UBR4: variants seen among roughly 807,000 people sequenced by gnomAD.
UBR4 encodes the protein E3 ubiquitin-protein ligase UBR4.
Under a neutral mutation model 575.6 loss-of-function variants are expected in UBR4, and 124 were observed. The observed-to-expected ratio is 0.22, with a 90% CI of 0.19 to 0.25. The LOEUF (loss-of-function observed/expected upper bound fraction) is 0.25. UBR4 is among the 10% of genes least tolerant of loss of function. The pLI is 1.00. For missense variants in UBR4, 4,818 were observed against 6,478.8 expected, an observed-to-expected ratio of 0.74 and a Z score of 8.80; for synonymous variants, 2,455 against 2,473.7, an observed-to-expected ratio of 0.99 and a Z score of 0.22.
At chr1:19,115,281 A>G (rs2080396149) in intron 74 of UBR4, 117 bp downstream of exon 74, 11 of 1,442,894 alleles carry the variant, frequency 7.6e-6, no homozygotes, top group South Asian at 7.0e-5. Flanking sequence ...CTACAAACCC[A>G]TAATTCTCTA....
chr1:19,164,684 G>A (rs1337131509), intron 32 of UBR4, 115 bp downstream of exon 32: 1 of 1,356,520 alleles, frequency 7.4e-7, no homozygotes, highest in Non-Finnish European at 1.0e-6. Context: ...CTAGAGAGAG[G>A]TAGATACAAA....
In UBR4 at chr1:19,165,331, G is replaced by C; in HGVS notation, c.4230C>G (p.Ile1410Met). The C allele has an allele frequency of 6.2e-7, 1 of 1,614,096 alleles. No homozygotes were observed. The highest frequency in any genetic ancestry group is 1.3e-5 in the African/African-American group (1 of 75,028). Reference sequence around the variant, plus strand: ...GGTTCTCATTGGCTGTTGCCATCATGATCTGTACAAGTTCTCCACTGGGAG... The same window carrying C: ...GGTTCTCATTGGCTGTTGCCATCATCATCTGTACAAGTTCTCCACTGGGAG... ...FFSDSGELVQ[I>M]MMATANENLS... The change falls in exon 31 of 106, where the codon ATC becomes ATG. Residue 1410 changes from isoleucine (I) to methionine (M), a missense_variant. By Grantham distance (10) the Ile-to-Met change is conservative. Coordinates refer to ENST00000375254, the MANE Select transcript of UBR4 (RefSeq NM_020765.3).
chr1:19,119,627 C>A lies in UBR4; in HGVS notation c.10385G>T (p.Gly3462Val). 1 of 1,614,106 alleles carries A rather than the reference C, an allele frequency of 6.2e-7. No homozygotes were observed. The change falls in exon 70 of 106, where the codon GGT (glycine) becomes GTT (valine). Residue 3462 changes from glycine (G) to valine (V), a missense_variant. Transcript: ENST00000375254. Reference protein sequence around the residue: ...WSIWPELPAYGRKAAQFVDLL... With the variant: ...WSIWPELPAYVRKAAQFVDLL... ...GTCCACAAACTGGGCAGCCTTACGA[C>A]CATAGGCTGGGAGTTCTGGCCAGAT...
rs1033969258 is a variant in UBR4 at position 19,140,888 on chromosome 1, G to A, written c.8493C>T (p.Ser2831=). The A allele has an allele frequency of 6.2e-7, 1 of 1,607,130 alleles. No homozygotes were observed. The highest frequency in any genetic ancestry group is 1.1e-5 in the South Asian group (1 of 90,054). The part of the protein sequence containing the change: ...ALSLQQDQQG[S]SSSALGLQSL... ...TCTGCAGGCCCAGGGCACTGCTGCT[G>A]CTGCCTGGGAAACAAGTGGAGAGTG... The change falls in exon 58 of 106, where the codon AGC becomes AGT. Residue 2831 remains serine, a synonymous_variant. Transcript: ENST00000375254.
At chr1:19,148,883 C>T (rs1329759995) in intron 49 of UBR4, among the ~76,000 whole-genome samples, 1 of 152,156 alleles carries the variant, frequency 6.6e-6, no homozygotes, top group Non-Finnish European at 1.5e-5. Context: ...GCTTTTCTTC[C>T]TCAAAGAGGA....
chr1:19,187,494 T>C lies in UBR4; in HGVS notation c.1441A>G (p.Ile481Val). The change falls in exon 12 of 106, where the codon ATC (isoleucine) becomes GTC (valine). Residue 481 changes from isoleucine to valine, a missense_variant. By Grantham distance (29) the Ile-to-Val change is conservative. Transcript: ENST00000375254. The part of the protein sequence containing the change: ...VLSVILANHA[I>V]KLLTSLFQDL... ...TGAAAGAGAGACGTTAGCAGTTTGA[T>C]GGCATGGTTTGCCAATATTACTGAG... The C allele has an allele frequency of 6.2e-7, 1 of 1,613,904 alleles. No homozygotes were observed. Among genetic ancestry groups the C allele is most frequent in the East Asian group, 2.2e-5 (1 of 44,872 alleles).
At position 19,088,549 on chromosome 1, in the gene UBR4, T is replaced by C. The variant is rs1443687693; in HGVS notation, c.14430+210A>G. ...GGCTATTATCACTGGTTTACTGTTT[T>C]GGTAAACTTCGTAAGTCACTTACTC... On this transcript the variant is annotated intron_variant, in intron 98 of 105. Coordinates refer to ENST00000375254, the MANE Select transcript of UBR4 (RefSeq NM_020765.3). The surrounding 1 kb of genome is among the most constrained non-coding windows in gnomAD (Gnocchi z 4.0). Among the ~76,000 whole-genome samples, 1 of 152,222 alleles carries C rather than the reference T, an allele frequency of 6.6e-6. No individual in the cohort carries two copies. Among genetic ancestry groups the C allele is most frequent in the Non-Finnish European group, 1.5e-5 (1 of 68,034 alleles).
Position 19,086,771 on chromosome 1 carries a change from C to T in UBR4, c.14595G>A (p.Glu4865=), listed in dbSNP as rs180927500. Reference sequence around the variant, plus strand: ...GTTTCCGGGGCTTATTCTCCATCTCCTCCAAGGCTACCCGCTTCGTGAAGG... The same window carrying T: ...GTTTCCGGGGCTTATTCTCCATCTCTTCCAAGGCTACCCGCTTCGTGAAGG... ...IYTFTKRVAL[E]EMENKPRKQQ... Residue 4865 remains glutamate, a synonymous_variant, in exon 100 of 106, where the codon GAG becomes GAA. Coordinates refer to ENST00000375254, the MANE Select transcript of UBR4 (RefSeq NM_020765.3). 39 of 1,614,204 alleles carry T rather than the reference C, an allele frequency of 2.4e-5. No individual in the cohort carries two copies. The East Asian group carries it at 7.8e-4, about 32-fold the overall frequency.
chr1:19,174,666 A>G (rs2090027054), intron 21 of UBR4, among the ~76,000 whole-genome samples: 1 of 152,206 alleles, frequency 6.6e-6, no homozygotes, highest in African/African-American at 2.4e-5. Flanking sequence ...GGAGTAAGAC[A>G]ATTATTTTTG....
At chr1:19,151,584 G>A (rs1422766661) in intron 48 of UBR4, 59 bp downstream of exon 48, 5 of 1,575,594 alleles carry the variant, frequency 3.2e-6, no homozygotes, top group Admixed American at 1.7e-5. Context: ...ACAGGCCAGT[G>A]GCTCCCAATT....
chr1:19,096,777 C>T, intron 91 of UBR4, 127 bp from the exon 92 acceptor site: 1 of 1,366,244 alleles, frequency 7.3e-7, no homozygotes, highest in Non-Finnish European at 9.9e-7. Flanking sequence ...CCAATAAAGA[C>T]ACGGCCAATA....
At chr1:19,131,479 G>A (rs1043730423) in intron 60 of UBR4, among the ~76,000 whole-genome samples, 49 of 151,984 alleles carry the variant, frequency 3.2e-4, no homozygotes, top group African/African-American at 1.0e-3. Flanking sequence ...TTGTCAATAT[G>A]GCTAGGTTAC....
In UBR4 at chr1:19,120,307, G is replaced by A. The variant is rs1262447125; in HGVS notation, c.10183C>T (p.Leu3395=). 1.2e-6 allele frequency: 2 copies of A among 1,614,156 alleles called. No individual in the cohort carries two copies. The highest frequency in any genetic ancestry group is 3.3e-5 in the Admixed American group (2 of 60,032). The change falls in exon 69 of 106, where the codon CTG becomes TTG. Residue 3395 remains leucine, a synonymous_variant. Coordinates refer to ENST00000375254, the MANE Select transcript of UBR4 (RefSeq NM_020765.3). ...GSQEDQLCTA[L]VNQLNKFADK... ...GCAAATTTGTTCAGCTGGTTCACCA[G>A]AGCTGTGCACAGCTGGTCCTCCTGG...
At position 19,105,185 on chromosome 1, in the gene UBR4, G is replaced by A. The variant is rs760403245; in HGVS notation, c.12508C>T (p.Leu4170=). ...TCCCCAGCTATGCTCAGCTCATCCA[G>A]GTAACTGCCACCAAGAGGGACAGGG... ...QQVLDLLTSY[L]DELSIAGECA... is the part of the protein sequence containing the mutation. The change falls in exon 85 of 106, where the codon CTG becomes TTG. Residue 4170 remains leucine (L), a synonymous_variant. Coordinates refer to ENST00000375254, the MANE Select transcript of UBR4 (RefSeq NM_020765.3). 6 of 1,611,650 alleles carry A rather than the reference G, an allele frequency of 3.7e-6. No individual in the cohort carries two copies. The South Asian group carries it at 5.5e-5, about 15-fold the overall frequency.
At position 19,193,532 on chromosome 1, in the gene UBR4, G is replaced by A; in HGVS notation, c.1044C>T (p.Ala348=). ...YAGVSVATCM[A]ILHVGSAQQV... ...GCTGGGCACTACCCACATGGAGGATGGCCATGCACGTTGCCACACTCACAC... is the reference window on the plus strand; with the variant it reads ...GCTGGGCACTACCCACATGGAGGATAGCCATGCACGTTGCCACACTCACAC... The change falls in exon 9 of 106, where the codon GCC becomes GCT. Residue 348 remains alanine, a synonymous_variant. Coordinates refer to ENST00000375254, the MANE Select transcript of UBR4 (RefSeq NM_020765.3). 1 of 1,614,048 alleles carries A rather than the reference G, an allele frequency of 6.2e-7. No individual in the cohort carries two copies. The highest frequency in any genetic ancestry group is 1.3e-5 in the African/African-American group (1 of 75,034).
chr1:19,122,003 G>A lies in UBR4; in HGVS notation c.9826C>T (p.Leu3276=), dbSNP rs758529476. Residue 3276 remains leucine (L), a synonymous_variant, in exon 67 of 106, where the codon CTG becomes TTG. Transcript: ENST00000375254. ...GCGGCAATCTCTGCACAGGCTTTCA[G>A]GTGCTCCATCTGAAATAGGAACCAA... ...YDTLISLMEH[L]KACAEIAAQR... 1.2e-6 allele frequency: 2 copies of A among 1,614,062 alleles called. No homozygotes were observed. Among genetic ancestry groups the A allele is most frequent in the Non-Finnish European group, 1.7e-6 (2 of 1,179,976 alleles).
rs200363179 is a variant in UBR4 at position 19,204,533 on chromosome 1, A to ATATAT, written c.177-2719_177-2718insATATA. Among the ~76,000 whole-genome samples, 383 of 150,774 alleles carry ATATAT rather than the reference A, an allele frequency of 2.5e-3. 5 individuals carry two copies. The East Asian group carries it at 0.036, about 14-fold the overall frequency. On this transcript the variant is annotated intron_variant, in intron 1 of 105. Coordinates refer to ENST00000375254, the MANE Select transcript of UBR4 (RefSeq NM_020765.3). ...ATTCTGATAATGAAATATATAAAAAAAAATATATATATATATAGGAGTAAA... is the reference window on the plus strand; with the variant it reads ...ATTCTGATAATGAAATATATAAAAAATATATAAATATATATATATATAGGAGTAAA...
rs1352607966 is a variant in UBR4 at position 19,167,151 on chromosome 1, G to A, written c.3980C>T (p.Ala1327Val). The change falls in exon 29 of 106, where the codon GCC becomes GTC. Residue 1327 changes from alanine to valine, a missense_variant. By Grantham distance (64) the Ala-to-Val change is moderately conservative (BLOSUM62 0). Transcript: ENST00000375254. Reference sequence around the variant, plus strand: ...TTCCAGGGAGTTGCTACTGATCTCGGCAACACTCTCAGTGCTTGATTCCAA... The same window carrying A: ...TTCCAGGGAGTTGCTACTGATCTCGACAACACTCTCAGTGCTTGATTCCAA... ...LLLESSTESV[A>V]EISSNSLERI... 10 of 1,614,066 alleles carry A rather than the reference G, an allele frequency of 6.2e-6. No homozygotes were observed. Among genetic ancestry groups the A allele is most frequent in the Non-Finnish European group, 8.5e-6 (10 of 1,180,032 alleles).
intron 1 of UBR4, among the ~76,000 whole-genome samples, chr1:19,202,811 G>A (rs112826852): frequency 0.011 from 1,669 of 152,290 alleles, 30 homozygotes; most frequent in East Asian, 0.067. Flanking sequence ...GGCTGGCCGG[G>A]TGTGGTGGCT....
Sources: allele counts gnomAD v4.1 joint callset (sites outside exome capture counted in the v4.1 genomes callset), GRCh38; gene constraint gnomAD v4.1.1; non-coding constraint Gnocchi (gnomAD v3.1); transcripts MANE v1.5; gene names NCBI Gene and HGNC (gene_info 2026-07-23, HGNC 2026-07-21).